The following ANK2 variants were observed in gnomAD, a reference collection of about 807,000 sequenced individuals.
ANK2 encodes ankyrin-2.
Under a neutral mutation model 360.5 loss-of-function variants are expected in ANK2, and 83 were observed. That is an observed-to-expected ratio of 0.23 (90% CI 0.19 to 0.28). The LOEUF is 0.28. ANK2 is among the 10% of genes least tolerant of loss of function. The probability of loss-of-function intolerance (pLI) is 1.00; values close to 1 mark genes in which losing one functional copy is unlikely to be tolerated. For missense variants in ANK2, 4,201 were observed against 4,795.7 expected (o/e 0.88, Z 3.66); for synonymous variants, 1,740 against 1,759.5 (o/e 0.99, Z 0.28).
chr4:113,019,062 A>G lies in ANK2; in HGVS notation c.21+114548A>G, dbSNP rs560725234. Among the ~76,000 whole-genome samples, 60 of 152,300 alleles carry G rather than the reference A, an allele frequency of 3.9e-4. 1 individual carries two copies. The highest frequency in any genetic ancestry group is 3.7e-3 in the South Asian group (18 of 4,828). On this transcript the variant is annotated intron_variant, in intron 2 of 30. Coordinates refer to the ANK2 transcript ENST00000503271. ...GATAAGATTTTAATGCTTTTATTTA[A>G]GGTCGTAATAAAAGGGGTATGTACA...
chr4:113,351,198 A>G (rs1423868565), intron 37 of ANK2, among the ~76,000 whole-genome samples: 1 of 152,146 alleles, frequency 6.6e-6, no homozygotes, highest in African/African-American at 2.4e-5. Flanking sequence ...ACTTTATTTC[A>G]GAGTTTATTT....
chr4:112,985,645 CA>C (rs1421267278), intron 2 of ANK2, among the ~76,000 whole-genome samples: 23 of 152,172 alleles, frequency 1.5e-4, no homozygotes, highest in Admixed American at 1.5e-3. Context: ...CTTCAGAGGA[CA>C]ATGTCCATAT....
chr4:113,252,921 G>C (rs574547205), intron 10 of ANK2, among the ~76,000 whole-genome samples: 14 of 152,214 alleles, frequency 9.2e-5, no homozygotes, highest in African/African-American at 3.4e-4. Context: ...TGACAATCTC[G>C]CTCTATCTTC....
chr4:112,811,077 AG>A, the ANK2 span, among the ~76,000 whole-genome samples: 2,670 of 151,932 alleles, frequency 0.018, 91 homozygotes, highest in African/African-American at 0.059. Flanking sequence ...CTGGAACTAC[AG>A]GGGCCTGCCA....
At position 112,885,745 on chromosome 4, in the gene ANK2, C is replaced by G. The variant is rs189302084; in HGVS notation, c.-39-18710C>G. On this transcript the variant is annotated intron_variant, in intron 1 of 30. Coordinates refer to the ANK2 transcript ENST00000503271. The stretch of plus-strand genomic sequence containing the variant: ...CTGGGAGACAGAGCTTGCAGTGAGC[C>G]CAGATCGCACCACTGCACTCCAGCC... Among the ~76,000 whole-genome samples, 121 of 137,974 alleles carry G rather than the reference C, an allele frequency of 8.8e-4. No homozygotes were observed. In the East Asian group the frequency reaches 0.027, roughly 30 times the overall value. 90.5% of individuals were successfully genotyped at this position (137,974 alleles called of 152,430 possible).
chr4:112,884,292 G>T (rs1486710201), intron 1 of ANK2, among the ~76,000 whole-genome samples: 3 of 152,134 alleles, frequency 2.0e-5, no homozygotes, highest in African/African-American at 4.8e-5. Flanking sequence ...TTTAGAGTAG[G>T]CGACTTTTTT....
chr4:113,013,516 A>G (rs2055498338), intron 2 of ANK2, among the ~76,000 whole-genome samples: 1 of 152,192 alleles, frequency 6.6e-6, no homozygotes, highest in Admixed American at 6.5e-5. Flanking sequence ...TCTAAAATGT[A>G]GGCAGTTTAG....
intron 10 of ANK2, among the ~76,000 whole-genome samples, chr4:113,250,762 C>CCCG (rs1554340300): frequency 4.4e-5 from 6 of 136,930 alleles, no homozygotes; most frequent in African/African-American, 1.1e-4. Flanking sequence ...ACCGCCCCCC[C>CCCG]CCCCGACAGA....
chr4:112,753,119 T>C, the ANK2 span, among the ~76,000 whole-genome samples: 1 of 152,232 alleles, frequency 6.6e-6, no homozygotes, highest in East Asian at 1.9e-4. Context: ...CCTCAGGCCA[T>C]TTCCTTCAGA....
In ANK2 at chr4:113,355,964, A is replaced by G. The variant is rs2095739184; in HGVS notation, c.7346A>G (p.His2449Arg). 9 of 1,614,120 alleles carry G rather than the reference A, an allele frequency of 5.6e-6. No homozygotes were observed. The South Asian group carries it at 7.7e-5, about 14-fold the overall frequency. Residue 2449 changes from histidine (H) to arginine (R), a missense_variant, in exon 38 of 46, where the codon CAC (histidine) becomes CGC (arginine). Coordinates refer to ENST00000357077, the MANE Select transcript of ANK2 (RefSeq NM_001148.6). ...CCTGTGCTAGAAGATAACTCTTCAC[A>G]CAAAACCCCTGATTCTCTGGAGCCA... ...ASPVLEDNSS[H>R]KTPDSLEPSP... is the part of the protein sequence containing the mutation.
chr4:112,785,249 G>C, the ANK2 span, among the ~76,000 whole-genome samples: 1 of 152,180 alleles, frequency 6.6e-6, no homozygotes, highest in African/African-American at 2.4e-5. Flanking sequence ...ACCTCCCCTT[G>C]ATCCTTAATA....
At chr4:112,925,892 ACTTTT>A (rs2092475248) in intron 2 of ANK2, among the ~76,000 whole-genome samples, 1 of 152,192 alleles carries the variant, frequency 6.6e-6, no homozygotes, top group Non-Finnish European at 1.5e-5. Context: ...ATTTGGTGAT[ACTTTT>A]CTTTTAATAG....
intron 10 of ANK2, among the ~76,000 whole-genome samples, chr4:113,250,498 G>A (rs59483835): frequency 0.012 from 1,763 of 152,218 alleles, 27 homozygotes; most frequent in African/African-American, 0.04. Context: ...CCATATACAT[G>A]AGCACCACAC....
intron 22 of ANK2, among the ~76,000 whole-genome samples, chr4:113,299,882 C>G (rs1277856437): frequency 6.6e-6 from 1 of 151,994 alleles, no homozygotes; most frequent in Non-Finnish European, 1.5e-5. Flanking sequence ...ACCCTGGTCC[C>G]CATTATAGCT....
At chr4:113,299,840 C>A (rs2074025352) in intron 22 of ANK2, among the ~76,000 whole-genome samples, 1 of 151,918 alleles carries the variant, frequency 6.6e-6, no homozygotes, top group Non-Finnish European at 1.5e-5. Context: ...TTGAGCTGTG[C>A]AATAAACCCA....
intron 2 of ANK2, among the ~76,000 whole-genome samples, chr4:113,191,601 A>T (rs184917729): frequency 1.3e-5 from 2 of 152,232 alleles, no homozygotes; most frequent in African/African-American, 4.8e-5. Flanking sequence ...GCCAAATCTT[A>T]GTGATGGAAC....
intron 26 of ANK2, among the ~76,000 whole-genome samples, chr4:113,324,753 G>A (rs1344318135): frequency 2.0e-5 from 3 of 152,144 alleles, no homozygotes; most frequent in Non-Finnish European, 4.4e-5. Flanking sequence ...GATTTAATCT[G>A]AGGCCCTCTT....
At chr4:113,266,463 A>G (rs1217117716) in intron 14 of ANK2, among the ~76,000 whole-genome samples, 5 of 152,232 alleles carry the variant, frequency 3.3e-5, no homozygotes, top group African/African-American at 4.8e-5. Flanking sequence ...TCCTTTGGGT[A>G]TATACCCAGT....
chr4:112,827,282 A>G (rs6844637), intron 1 of ANK2: 577,813 of 1,045,652 alleles, frequency 0.55, 167,522 homozygotes, highest in East Asian at 0.91. Flanking sequence ...GCCAAGAGTC[A>G]TTGTAATAAA....
Sources: allele counts gnomAD v4.1 joint callset (sites outside exome capture counted in the v4.1 genomes callset), GRCh38; gene constraint gnomAD v4.1.1; transcripts MANE v1.5; gene names NCBI Gene and HGNC (gene_info 2026-07-23, HGNC 2026-07-21).